Variants in CFAP74 observed in about 807,000 individuals in gnomAD.
CFAP74 encodes the protein cilia- and flagella-associated protein 74.
A neutral mutation model predicts 188.9 loss-of-function variants in CFAP74; 124 were observed. The observed-to-expected ratio is 0.66, with a 90% CI of 0.57 to 0.76. The LOEUF is 0.76. Among genes scored for constraint, CFAP74 ranks in the 30% least tolerant of loss-of-function variants. The probability of loss-of-function intolerance (pLI) is 0.00; values close to 1 mark genes in which losing one functional copy is unlikely to be tolerated. For missense variants in CFAP74, 2,198 were observed against 2,165.2 expected, an observed-to-expected ratio of 1.02 and a Z score of -0.30; for synonymous variants, 956 against 916.7, an observed-to-expected ratio of 1.04 and a Z score of -0.77.
rs1454416217 is a variant in CFAP74, at chr1:1,934,989, G to C, written c.3011+3866C>G. ...CACGTGTGTACGTGGGTGTTAGGTT[G>C]TAGGTACACACGTGTGTATGTGTGT... On this transcript the variant is annotated intron_variant, in intron 25 of 38. Coordinates refer to ENST00000682832, the MANE Select transcript of CFAP74 (RefSeq NM_001304360.2). 7.5e-5 allele frequency among the ~76,000 whole-genome samples: 6 copies of C among 79,574 alleles called. 2 individuals are homozygous for C. Among genetic ancestry groups the C allele is most frequent in the African/African-American group, 2.8e-4 (6 of 21,132 alleles). The allele number at this position is 79,574 out of a possible 152,430, so 52.2% of individuals were successfully genotyped here.
chr1:1,981,839 G>A (rs1429442798), intron 6 of CFAP74, among the ~76,000 whole-genome samples: 3 of 105,312 alleles, frequency 2.8e-5, no homozygotes, highest in Admixed American at 9.4e-5. Context: ...AGACACGGGG[G>A]CACGCAGGAC....
intron 14 of CFAP74, among the ~76,000 whole-genome samples, chr1:1,963,502 A>G (rs1655243114): frequency 7.0e-6 from 1 of 141,982 alleles, no homozygotes; most frequent in Admixed American, 7.1e-5. Flanking sequence ...AACAAAACGA[A>G]GAAAAACAAA....
At chr1:1,963,536 AGT>A (rs386627567) in intron 14 of CFAP74, among the ~76,000 whole-genome samples, 1 of 151,068 alleles carries the variant, frequency 6.6e-6, no homozygotes, top group Non-Finnish European at 1.5e-5. Context: ...AGCCAGGCAA[AGT>A]TCCAGCCATT....
chr1:1,929,977 T>C (rs2102034345), intron 26 of CFAP74, 83 bp downstream of exon 26: 2 of 1,389,464 alleles, frequency 1.4e-6, no homozygotes, highest in South Asian at 2.9e-5. Flanking sequence ...TGGTTAAGGG[T>C]GGGCAGAGCC....
Position 1,973,017 on chromosome 1 carries a change from C to T in CFAP74, c.705G>A (p.Gly235=). The T allele has an allele frequency of 3.7e-6, 6 of 1,613,986 alleles. No homozygotes were observed. Among genetic ancestry groups the T allele is most frequent in the South Asian group, 3.3e-5 (3 of 91,058 alleles). ...CCTCCAGCAGCTTCTGGTGCCTGAG[C>T]CCGAGCTCCTTCTGGGTGTTCAGGG... ...RKSLNTQKEL[G]LRHQKLLEDA... Residue 235 remains glycine, a synonymous_variant, in exon 8 of 39, where the codon GGG becomes GGA. Transcript: ENST00000682832. This position sits in a 1 kb window ranked among gnomAD's most constrained non-coding sequence, Gnocchi z 6.2.
chr1:1,960,095 C>T (rs770456325), intron 14 of CFAP74, 65 bp from the exon 15 acceptor site: 3 of 1,407,162 alleles, frequency 2.1e-6, no homozygotes, highest in Admixed American at 3.8e-5. Context: ...CGCCTCACCA[C>T]CCAGAGCACA....
chr1:1,998,296 T>C (rs1182630067), intron 1 of CFAP74, among the ~76,000 whole-genome samples: 3 of 152,014 alleles, frequency 2.0e-5, no homozygotes, highest in African/African-American at 7.2e-5. Context: ...CAAGAAATTA[T>C]TAATTGTATT....
Position 1,972,973 on chromosome 1 carries a change from T to C in CFAP74, c.749A>G (p.Lys250Arg). 1.2e-6 allele frequency: 2 copies of C among 1,613,970 alleles called. No homozygotes were observed. The highest frequency in any genetic ancestry group is 8.5e-7 in the Non-Finnish European group (1 of 1,179,976). ...GGCCTTCAGGAACCGCACGGCAACC[T>C]TGTGGTTCTTCCGGGCGTCCTCCAG... The part of the protein sequence containing the change: ...KLLEDARKNH[K>R]VAVRFLKASL... Residue 250 changes from lysine to arginine, a missense_variant, in exon 8 of 39, where the codon AAG becomes AGG. Lys to Arg is a conservative substitution (Grantham distance 26). Coordinates refer to ENST00000682832, the MANE Select transcript of CFAP74 (RefSeq NM_001304360.2).
intron 23 of CFAP74, 102 bp from the exon 24 acceptor site, chr1:1,939,869 GC>G: frequency 8.7e-7 from 1 of 1,155,262 alleles, no homozygotes; most frequent in Non-Finnish European, 1.2e-6. Context: ...TGTGGCCATG[GC>G]CCACTGTTTC....
In CFAP74 at chr1:1,942,884, C is replaced by T. The variant is rs1653482203; in HGVS notation, c.2487-728G>A. On this transcript the variant is annotated intron_variant, in intron 21 of 38. Coordinates refer to ENST00000682832, the MANE Select transcript of CFAP74 (RefSeq NM_001304360.2). This position sits in a 1 kb window ranked among gnomAD's most constrained non-coding sequence, Gnocchi z 4.3. ...GGGTGTGGCAGTGAGAAATCTCCTCCCTCCTGTGCTTCCATGCGACAGTCA... is the reference window on the plus strand; with the variant it reads ...GGGTGTGGCAGTGAGAAATCTCCTCTCTCCTGTGCTTCCATGCGACAGTCA... 2.0e-5 allele frequency among the ~76,000 whole-genome samples: 3 copies of T among 152,174 alleles called. No individual in the cohort carries two copies. The South Asian group carries it at 6.2e-4, about 32-fold the overall frequency.
intron 18 of CFAP74, among the ~76,000 whole-genome samples, chr1:1,947,884 T>C (rs1460360989): frequency 2.0e-5 from 3 of 152,148 alleles, no homozygotes; most frequent in Non-Finnish European, 4.4e-5. Context: ...TTCTTTTTTT[T>C]TTCTTTTAGA....
At chr1:1,931,927 G>C (rs1293746704) in intron 25 of CFAP74, among the ~76,000 whole-genome samples, 1 of 151,216 alleles carries the variant, frequency 6.6e-6, no homozygotes, top group Non-Finnish European at 1.5e-5. Flanking sequence ...TTAGCTGGGC[G>C]TGGTGGCCGG....
rs1570818866 is a variant in CFAP74, at chr1:1,927,497, A to G, written c.3527+110T>C. 11 of 1,075,088 alleles carry G rather than the reference A, an allele frequency of 1.0e-5. No individual in the cohort carries two copies. In the East Asian group the frequency reaches 2.9e-4, roughly 28 times the overall value. The allele number at this position is 1,075,088 out of a possible 1,614,324, so 66.6% of individuals were successfully genotyped here. On this transcript the variant is annotated intron_variant, in intron 28 of 38. Coordinates refer to ENST00000682832, the MANE Select transcript of CFAP74 (RefSeq NM_001304360.2). ...TCTGAAGGCATCAGTCCTTCCAGCC[A>G]CATGGGTCATTCCGGGCAATCTGTA...
intron 27 of CFAP74, chr1:1,928,075 C>T (rs1182501480): frequency 5.2e-5 from 21 of 406,406 alleles, no homozygotes; most frequent in South Asian, 1.0e-4. Flanking sequence ...TGCTTCCCCT[C>T]GAGTGCACGC....
At chr1:1,934,437 A>ACG (rs1491245648) in intron 25 of CFAP74, among the ~76,000 whole-genome samples, 1 of 28,600 alleles carries the variant, frequency 3.5e-5, no homozygotes, top group South Asian at 9.5e-4. Context: ...GTAGGTACAC[A>ACG]TGTGTGTATT....
intron 2 of CFAP74, among the ~76,000 whole-genome samples, chr1:1,990,111 A>G (rs1347421312): frequency 6.6e-6 from 1 of 152,210 alleles, no homozygotes; most frequent in East Asian, 1.9e-4. Flanking sequence ...GTGGCTACGT[A>G]TTAAAATGTT....
intron 21 of CFAP74, among the ~76,000 whole-genome samples, chr1:1,943,006 G>A (rs1653490522): frequency 6.6e-6 from 1 of 152,198 alleles, no homozygotes; most frequent in Non-Finnish European, 1.5e-5. Flanking sequence ...GGGCACGCCA[G>A]CCTCTGCACC....
At chr1:1,950,860 T>A (rs953635069) in intron 18 of CFAP74, among the ~76,000 whole-genome samples, 1 of 152,202 alleles carries the variant, frequency 6.6e-6, no homozygotes, top group Non-Finnish European at 1.5e-5. Flanking sequence ...TTCAATGTTA[T>A]GTCTAAGAAA....
intron 6 of CFAP74, among the ~76,000 whole-genome samples, chr1:1,983,371 A>G (rs1265489597): frequency 6.6e-6 from 1 of 152,136 alleles, no homozygotes; most frequent in Non-Finnish European, 1.5e-5. Context: ...TGAAGAAGCC[A>G]GCGGCCCCAC....
Sources: allele counts gnomAD v4.1 joint callset (sites outside exome capture counted in the v4.1 genomes callset), GRCh38; gene constraint gnomAD v4.1.1; non-coding constraint Gnocchi (gnomAD v3.1); transcripts MANE v1.5; gene names NCBI Gene and HGNC (gene_info 2026-07-23, HGNC 2026-07-21).